The following LARP1B variants were observed in gnomAD, a reference collection of about 807,000 sequenced individuals.
LARP1B encodes the protein La ribonucleoprotein 1B.
Under a neutral mutation model 114.2 loss-of-function variants are expected in LARP1B, and 76 were observed. The observed-to-expected ratio is 0.67, with a 90% CI of 0.55 to 0.81. The LOEUF is 0.81. LARP1B is among the 30% of genes least tolerant of loss of function. The pLI is 0.00. For synonymous variants in LARP1B, 345 were observed against 348.0 expected (o/e 0.99, Z 0.10); for missense variants, 1,014 against 1,075.8 (o/e 0.94, Z 0.80).
chr4:128,201,770 A>T, intron 17 of LARP1B, among the ~76,000 whole-genome samples: 1 of 152,204 alleles, frequency 6.6e-6, no homozygotes, highest in East Asian at 1.9e-4. Context: ...AAGAAGGAAC[A>T]TGGCGTGGAC....
chr4:128,096,240 G>A (rs977351440), intron 7 of LARP1B, among the ~76,000 whole-genome samples: 3 of 152,034 alleles, frequency 2.0e-5, no homozygotes, highest in African/African-American at 4.8e-5. Flanking sequence ...TGATCCGCCC[G>A]CCTCGGCCTC....
At chr4:128,168,013 A>G (rs1402772033) in intron 12 of LARP1B, among the ~76,000 whole-genome samples, 2 of 152,018 alleles carry the variant, frequency 1.3e-5, no homozygotes, top group Non-Finnish European at 2.9e-5. Context: ...TTATTTATCC[A>G]CTTATTAGTT....
At chr4:128,071,099 T>C (rs1236867850) in intron 1 of LARP1B, among the ~76,000 whole-genome samples, 2 of 151,798 alleles carry the variant, frequency 1.3e-5, no homozygotes, top group Admixed American at 1.3e-4. Context: ...CAGGCTGGAG[T>C]GCAGTGGCGT....
intron 6 of LARP1B, 82 bp downstream of exon 6, chr4:128,091,226 TTTTC>T: frequency 6.4e-7 from 1 of 1,552,502 alleles, no homozygotes. Context: ...TTTTAACTAA[TTTTC>T]TTTGTCTGAT....
At chr4:128,162,121 G>A in intron 11 of LARP1B, 73 bp from the exon 12 acceptor site, 2 of 1,400,208 alleles carry the variant, frequency 1.4e-6, no homozygotes, top group Non-Finnish European at 9.8e-7. Context: ...TTTTTTTGAG[G>A]TTGGTATCAA....
intron 12 of LARP1B, among the ~76,000 whole-genome samples, chr4:128,169,778 A>T (rs1742750309): frequency 6.6e-6 from 1 of 152,034 alleles, no homozygotes; most frequent in South Asian, 2.1e-4. Context: ...CTGGGATTAC[A>T]GGTCTGTGCC....
At chr4:128,150,174 C>A (rs528983791) in intron 11 of LARP1B, among the ~76,000 whole-genome samples, 24 of 151,312 alleles carry the variant, frequency 1.6e-4, no homozygotes, top group Middle Eastern at 3.4e-3. Context: ...ACAACAACAA[C>A]AAAAAAGGTG....
chr4:128,125,874 G>A (rs953215771), intron 11 of LARP1B, among the ~76,000 whole-genome samples: 2 of 152,188 alleles, frequency 1.3e-5, no homozygotes, highest in South Asian at 2.1e-4. Flanking sequence ...GTGACTAAAG[G>A]AAGCACTAGT....
downstream of LARP1B, among the ~76,000 whole-genome samples, chr4:128,212,404 G>A (rs1272783084): frequency 6.6e-6 from 1 of 152,058 alleles, no homozygotes; most frequent in Non-Finnish European, 1.5e-5. Context: ...AGCACTTTGG[G>A]AGGCTGAGGC....
chr4:128,130,989 G>T (rs1336005132), intron 11 of LARP1B, among the ~76,000 whole-genome samples: 3 of 152,198 alleles, frequency 2.0e-5, no homozygotes, highest in African/African-American at 2.4e-5. Context: ...CAAAACTATA[G>T]TAACAGTAAA....
In LARP1B at chr4:128,209,912, G is replaced by A; in HGVS notation, c.2604G>A (p.Glu868=). 1.2e-6 allele frequency: 2 copies of A among 1,613,926 alleles called. No individual in the cohort carries two copies. The highest frequency in any genetic ancestry group is 8.5e-7 in the Non-Finnish European group (1 of 1,179,860). The change falls in exon 20 of 20, where the codon GAG becomes GAA. Residue 868 remains glutamate, a synonymous_variant. Transcript: ENST00000326639. ...GACATTCCTCTACTTCTGGTGAGGA[G>A]AGTAATCGTCATAGACTTCCACCTA... The part of the protein sequence containing the change: ...RKRHSSTSGE[E]SNRHRLPPNS...
At chr4:128,081,081 T>TC (rs2149449460) in intron 4 of LARP1B, among the ~76,000 whole-genome samples, 1 of 147,984 alleles carries the variant, frequency 6.8e-6, no homozygotes, top group East Asian at 1.9e-4. Flanking sequence ...TATATACTTT[T>TC]TTTTTTTTTT....
At chr4:128,095,785 T>TCACA (rs1489376706) in intron 7 of LARP1B, among the ~76,000 whole-genome samples, 1 of 152,156 alleles carries the variant, frequency 6.6e-6, no homozygotes, top group African/African-American at 2.4e-5. Flanking sequence ...CCCCAAAATG[T>TCACA]GAGCTGGTTT....
At chr4:128,067,876 A>ATTTTTG (rs1423881421) in intron 1 of LARP1B, among the ~76,000 whole-genome samples, 1 of 151,660 alleles carries the variant, frequency 6.6e-6, no homozygotes, top group African/African-American at 2.4e-5. Context: ...TGCCTGCATA[A>ATTTTTG]TTTTTGTTTT....
chr4:128,149,773 A>G (rs1342112409), intron 11 of LARP1B, among the ~76,000 whole-genome samples: 1 of 152,208 alleles, frequency 6.6e-6, no homozygotes, highest in Non-Finnish European at 1.5e-5. Context: ...TTAAAGCAGG[A>G]AAAGTGATTG....
chr4:128,199,594 T>G lies in LARP1B; in HGVS notation c.2159T>G (p.Leu720Arg). The G allele has an allele frequency of 6.5e-7, 1 of 1,540,120 alleles. No homozygotes were observed. The highest frequency in any genetic ancestry group is 8.8e-7 in the Non-Finnish European group (1 of 1,138,670). ...TACCACAAGTATCGTCGAAGATGCCTAAGTGGTAAGATGCTTGTCCTTTAT... is the reference window on the plus strand; with the variant it reads ...TACCACAAGTATCGTCGAAGATGCCGAAGTGGTAAGATGCTTGTCCTTTAT... The part of the protein sequence containing the change: ...QVYHKYRRRC[L>R]SERKRLGIGQ... The change falls in exon 16 of 20, where the codon CTA (leucine) becomes CGA (arginine). Residue 720 changes from leucine to arginine, a missense_variant. By Grantham distance (102) the Leu-to-Arg change is moderately radical (BLOSUM62 -2). Transcript: ENST00000326639.
intron 11 of LARP1B, among the ~76,000 whole-genome samples, chr4:128,137,793 T>TATA (rs1561370550): frequency 2.3e-3 from 69 of 30,522 alleles, no homozygotes; most frequent in African/African-American, 9.1e-3. Flanking sequence ...ATATATATAT[T>TATA]TTTTTTTTAG....
chr4:128,066,902 A>T (rs1034094595), intron 1 of LARP1B, among the ~76,000 whole-genome samples: 6 of 150,682 alleles, frequency 4.0e-5, no homozygotes, highest in Non-Finnish European at 8.8e-5. Flanking sequence ...GGTTCGAGCA[A>T]TTCTCCTGCC....
chr4:128,079,046 CACTTTA>C (rs1769134954), intron 4 of LARP1B, among the ~76,000 whole-genome samples: 1 of 151,596 alleles, frequency 6.6e-6, no homozygotes, highest in Admixed American at 6.6e-5. Context: ...ACTTCTTTAA[CACTTTA>C]ACTTTTACCG....
Sources: allele counts gnomAD v4.1 joint callset (sites outside exome capture counted in the v4.1 genomes callset), GRCh38; gene constraint gnomAD v4.1.1; transcripts MANE v1.5; gene names NCBI Gene and HGNC (gene_info 2026-07-23, HGNC 2026-07-21).